The following UNC13C variants were observed in gnomAD, a reference collection of about 807,000 sequenced individuals.
UNC13C encodes the protein unc-13 homolog C, also known as protein unc-13 homolog C.
A neutral mutation model predicts 245.4 loss-of-function variants in UNC13C; 174 were observed. The ratio of observed to expected loss-of-function variants is 0.71; its 90% CI spans 0.63 to 0.80. The LOEUF is 0.80. UNC13C is among the 30% of genes least tolerant of loss of function. The pLI, the probability that UNC13C is intolerant of heterozygous loss-of-function variation, is 0.00. For synonymous variants in UNC13C, 992 were observed against 895.1 expected, an observed-to-expected ratio of 1.11 and a Z score of -1.93; for missense variants, 2,829 against 2,602.9, an observed-to-expected ratio of 1.09 and a Z score of -1.89.
At chr15:54,211,916 T>C (rs2034891828) in intron 4 of UNC13C, among the ~76,000 whole-genome samples, 1 of 152,202 alleles carries the variant, frequency 6.6e-6, no homozygotes, top group South Asian at 2.1e-4. Flanking sequence ...CCTCTTACAT[T>C]GTCCCTGGGT....
chr15:54,378,174 GTAT>G (rs2039647344), intron 17 of UNC13C, among the ~76,000 whole-genome samples: 2 of 152,202 alleles, frequency 1.3e-5, no homozygotes, highest in African/African-American at 4.8e-5. Context: ...AAAAGTATTA[GTAT>G]TATTTTCTTG....
chr15:54,227,472 C>G (rs920002669), intron 4 of UNC13C, among the ~76,000 whole-genome samples: 1 of 152,216 alleles, frequency 6.6e-6, no homozygotes, highest in African/African-American at 2.4e-5. Flanking sequence ...CACCTGCCAG[C>G]CCATGCTGAG....
intron 1 of UNC13C, among the ~76,000 whole-genome samples, chr15:53,986,357 G>A (rs1039739964): frequency 6.6e-6 from 1 of 151,940 alleles, no homozygotes; most frequent in Non-Finnish European, 1.5e-5. Flanking sequence ...TTTGTTTCTC[G>A]ATTTTGTATT....
At chr15:53,979,583 G>T (rs1893842467) in intron 1 of UNC13C, among the ~76,000 whole-genome samples, 1 of 152,088 alleles carries the variant, frequency 6.6e-6, no homozygotes, top group African/African-American at 2.4e-5. Context: ...CCTAACTTCT[G>T]CAATTACATC....
intron 27 of UNC13C, among the ~76,000 whole-genome samples, chr15:54,548,388 A>AT (rs549188033): frequency 2.1e-4 from 31 of 150,894 alleles, no homozygotes; most frequent in African/African-American, 7.5e-4. Context: ...TGCCCGGCTA[A>AT]TTTTTTTGTA....
At chr15:54,122,078 TAATATGGCAGCTAGTCTGTAA>T (rs1168881046) in intron 2 of UNC13C, among the ~76,000 whole-genome samples, 4 of 152,184 alleles carry the variant, frequency 2.6e-5, no homozygotes, top group Admixed American at 6.5e-5. Flanking sequence ...TAATATTTGC[TAATATGGCAGCTAGTCTGTAA>T]ATTATGATTT....
chr15:54,049,669 G>A (rs8035108), intron 2 of UNC13C: 208,733 of 211,780 alleles, frequency 0.99, 102,945 homozygotes, highest in Non-Finnish European at 1. Context: ...TCTGAGTGCC[G>A]TCAGTTGACC....
intron 4 of UNC13C, among the ~76,000 whole-genome samples, chr15:54,169,954 G>A (rs1365171790): frequency 6.7e-6 from 1 of 149,130 alleles, no homozygotes; most frequent in Non-Finnish European, 1.5e-5. Context: ...CTCCCACAAG[G>A]TTGTAAGCTT....
At chr15:53,968,068 T>G in the UNC13C span, 1 of 152,200 alleles carries the variant, frequency 6.6e-6, no homozygotes, top group African/African-American at 2.4e-5. Flanking sequence ...GTTATTGTTC[T>G]GATGGTAAAG....
chr15:54,024,377 G>A (rs1896018211), intron 2 of UNC13C, among the ~76,000 whole-genome samples: 1 of 152,210 alleles, frequency 6.6e-6, no homozygotes, highest in Admixed American at 6.5e-5. Flanking sequence ...GACCCAAGGT[G>A]AGAAATGAGT....
intron 4 of UNC13C, 119 bp downstream of exon 4, chr15:54,143,803 A>G: frequency 1.6e-6 from 1 of 629,878 alleles, no homozygotes; most frequent in Middle Eastern, 2.7e-4. Context: ...TTGTTACTTC[A>G]TTTTACAATA....
chr15:53,901,139 G>C, the UNC13C span, among the ~76,000 whole-genome samples: 6 of 150,534 alleles, frequency 4.0e-5, no homozygotes, highest in Non-Finnish European at 7.4e-5. Flanking sequence ...AATAGTCATG[G>C]GTTTATTTTT....
chr15:54,412,443 A>G (rs997809267), intron 18 of UNC13C, among the ~76,000 whole-genome samples: 2 of 152,206 alleles, frequency 1.3e-5, no homozygotes, highest in African/African-American at 4.8e-5. Context: ...ATAAGAGAAC[A>G]GTATGGAGGA....
At chr15:54,626,244 C>T (rs952326794) in intron 32 of UNC13C, among the ~76,000 whole-genome samples, 2 of 152,108 alleles carry the variant, frequency 1.3e-5, no homozygotes, top group African/African-American at 2.4e-5. Flanking sequence ...ACAGGTCTAA[C>T]TGTTACCATA....
the UNC13C span, among the ~76,000 whole-genome samples, chr15:53,921,862 C>T: frequency 1.3e-5 from 2 of 152,110 alleles, no homozygotes; most frequent in Non-Finnish European, 2.9e-5. Flanking sequence ...CTTTAAGGGT[C>T]ATTTCATTTA....
intron 19 of UNC13C, among the ~76,000 whole-genome samples, chr15:54,434,334 C>A (rs1424653232): frequency 2.0e-5 from 3 of 152,094 alleles, no homozygotes; most frequent in Non-Finnish European, 2.9e-5. Context: ...TGACATCAAA[C>A]TATACTACAA....
the UNC13C span, among the ~76,000 whole-genome samples, chr15:53,959,790 T>C: frequency 6.6e-6 from 1 of 152,304 alleles, no homozygotes; most frequent in South Asian, 2.1e-4. Flanking sequence ...TCAGAATAAA[T>C]CTTACAGCCA....
chr15:54,251,203 C>G (rs1286059809), intron 8 of UNC13C, among the ~76,000 whole-genome samples: 1 of 152,174 alleles, frequency 6.6e-6, no homozygotes, highest in Non-Finnish European at 1.5e-5. Context: ...TGGTGCCTGC[C>G]TGGCAGGATC....
intron 4 of UNC13C, among the ~76,000 whole-genome samples, chr15:54,210,528 T>C (rs967588628): frequency 4.6e-5 from 7 of 152,234 alleles, no homozygotes; most frequent in Non-Finnish European, 1.0e-4. Context: ...ATATTTTGGT[T>C]ATATGAAATT....
Sources: allele counts gnomAD v4.1 joint callset (sites outside exome capture counted in the v4.1 genomes callset), GRCh38; gene constraint gnomAD v4.1.1; transcripts MANE v1.5; gene names NCBI Gene and HGNC (gene_info 2026-07-23, HGNC 2026-07-21).